Variants in CREB3L2 observed in about 807,000 individuals in gnomAD.
The protein encoded by CREB3L2 is cAMP responsive element binding protein 3 like 2.
CREB3L2 carries 23 observed loss-of-function variants against 57.2 expected under a neutral mutation model. The ratio of observed to expected loss-of-function variants is 0.40; its 90% confidence interval spans 0.29 to 0.57. The LOEUF is 0.57. Ranked by LOEUF, CREB3L2 falls within the 20% of genes least tolerant of loss-of-function variation. The pLI is 0.42. For synonymous variants in CREB3L2, 268 were observed against 265.1 expected, an observed-to-expected ratio of 1.01 and a Z score of -0.11; for missense variants, 628 against 634.7, an observed-to-expected ratio of 0.99 and a Z score of 0.11.
rs2117169007 is a variant in CREB3L2, at chr7:137,879,935, G to GAGACA, written c.*540_*541insTGTCT. 1 of 222,914 alleles carries GAGACA rather than the reference G, an allele frequency of 4.5e-6. No homozygotes were observed. Among genetic ancestry groups the GAGACA allele is most frequent in the East Asian group, 6.1e-5 (1 of 16,384 alleles). 13.8% of individuals were successfully genotyped at this position (222,914 alleles called of 1,614,324 possible). A position where few individuals can be genotyped will look rare whatever the true frequency, so the allele number is the denominator to read the frequency against. ...CCCTCGCCTGCCAGTGCTGCTGCAG[G>GAGACA]AGACGAGACGATCCAGCGAGGGCTC... On this transcript the variant is annotated 3_prime_UTR_variant, in exon 12 of 12. Coordinates refer to ENST00000330387, the MANE Select transcript of CREB3L2 (RefSeq NM_194071.4).
chr7:137,905,446 A>G (rs540288841), intron 6 of CREB3L2, among the ~76,000 whole-genome samples: 6 of 149,700 alleles, frequency 4.0e-5, no homozygotes, highest in Non-Finnish European at 8.9e-5. Flanking sequence ...TCCCACCCGT[A>G]AATGTATCAT....
At chr7:137,971,167 G>C (rs1254643575) in intron 1 of CREB3L2, among the ~76,000 whole-genome samples, 1 of 152,076 alleles carries the variant, frequency 6.6e-6, no homozygotes, top group East Asian at 1.9e-4. Flanking sequence ...AAAAAAAACT[G>C]GGGCCAGGCG....
intron 3 of CREB3L2, among the ~76,000 whole-genome samples, chr7:137,914,168 T>C (rs1800075396): frequency 6.7e-6 from 1 of 149,296 alleles, no homozygotes. Flanking sequence ...AATGTTATAA[T>C]ACAATTAATA....
At chr7:137,969,785 C>T (rs112209724) in intron 1 of CREB3L2, among the ~76,000 whole-genome samples, 4 of 61,820 alleles carry the variant, frequency 6.5e-5, no homozygotes, top group South Asian at 1.2e-3. Flanking sequence ...CACACACACA[C>T]ACACACACAA....
intron 1 of CREB3L2, among the ~76,000 whole-genome samples, chr7:137,975,825 G>A (rs1161932784): frequency 6.6e-6 from 1 of 152,212 alleles, no homozygotes; most frequent in African/African-American, 2.4e-5. Context: ...TTAGGAAAAC[G>A]GTTTTAAACT....
intron 1 of CREB3L2, among the ~76,000 whole-genome samples, chr7:137,934,249 T>G (rs769455611): frequency 4.9e-4 from 74 of 152,196 alleles, no homozygotes; most frequent in Non-Finnish European, 9.3e-4. Context: ...TCAAATTGAC[T>G]GAATTTTTTT....
chr7:137,931,453 C>T (rs1276511394), intron 1 of CREB3L2, among the ~76,000 whole-genome samples: 5 of 143,996 alleles, frequency 3.5e-5, no homozygotes, highest in East Asian at 4.2e-4. Flanking sequence ...ACCCAGGAGG[C>T]GGAGCTTGCA....
chr7:137,936,531 C>A (rs1227960241), intron 1 of CREB3L2, among the ~76,000 whole-genome samples: 4 of 152,092 alleles, frequency 2.6e-5, no homozygotes, highest in Non-Finnish European at 4.4e-5. Flanking sequence ...AGTTTGTCAC[C>A]TTTTTTCACC....
rs34954362 is a variant in CREB3L2 at position 137,997,727 on chromosome 7, A to AAAAAT, written c.102+3872_102+3876dup. Among the ~76,000 whole-genome samples, 64 of 150,186 alleles carry AAAAAT rather than the reference A, an allele frequency of 4.3e-4. No individual in the cohort carries two copies. The East Asian group carries it at 7.3e-3, about 17-fold the overall frequency. On this transcript the variant is annotated intron_variant, in intron 1 of 11. Transcript: ENST00000330387. ...TGGGTGTCAGAACAAGACCCATCTCAAAAATAAAATAAAATAAAATAAAAT... is the reference window on the plus strand; with the variant it reads ...TGGGTGTCAGAACAAGACCCATCTCAAAAATAAAATAAAATAAAATAAAATAAAAT...
chr7:137,962,539 C>T (rs934439420), intron 1 of CREB3L2, among the ~76,000 whole-genome samples: 2 of 152,138 alleles, frequency 1.3e-5, no homozygotes, highest in Admixed American at 6.5e-5. Flanking sequence ...ACCACTTTTG[C>T]CAGCCATCTG....
At chr7:137,988,130 G>A (rs1464379050) in intron 1 of CREB3L2, among the ~76,000 whole-genome samples, 1 of 152,136 alleles carries the variant, frequency 6.6e-6, no homozygotes, top group Non-Finnish European at 1.5e-5. Context: ...TCACATGCCC[G>A]ACCTCAGGCC....
intron 6 of CREB3L2, among the ~76,000 whole-genome samples, chr7:137,905,457 C>T (rs1273966449): frequency 5.4e-5 from 8 of 148,440 alleles, no homozygotes; most frequent in African/African-American, 1.2e-4. Context: ...AATGTATCAT[C>T]GTGGGCACCA....
chr7:137,888,397 G>C (rs1261532215), intron 8 of CREB3L2, among the ~76,000 whole-genome samples: 2 of 152,078 alleles, frequency 1.3e-5, no homozygotes, highest in Non-Finnish European at 2.9e-5. Flanking sequence ...CCTTCCTCAT[G>C]AAACTTTTTC....
Position 138,001,053 on chromosome 7 carries a change from C to T in CREB3L2, c.102+551G>A, listed in dbSNP as rs1373863081. On this transcript the variant is annotated intron_variant, in intron 1 of 11. Coordinates refer to ENST00000330387, the MANE Select transcript of CREB3L2 (RefSeq NM_194071.4). This position sits in a 1 kb window ranked among gnomAD's most constrained non-coding sequence, Gnocchi z 4.2. Reference sequence around the variant, plus strand: ...AGTTTAAGAAAGCAAATAAAGCCGCCTTTCTCCCTAACGTAGAGGAGCCCT... The same window carrying T: ...AGTTTAAGAAAGCAAATAAAGCCGCTTTTCTCCCTAACGTAGAGGAGCCCT... Among the ~76,000 whole-genome samples, 1 of 150,200 alleles carries T rather than the reference C, an allele frequency of 6.7e-6. No homozygotes were observed. Among genetic ancestry groups the T allele is most frequent in the Non-Finnish European group, 1.5e-5 (1 of 67,602 alleles).
At chr7:137,996,623 C>T (rs1801991517) in intron 1 of CREB3L2, among the ~76,000 whole-genome samples, 1 of 152,166 alleles carries the variant, frequency 6.6e-6, no homozygotes, top group South Asian at 2.1e-4. Context: ...GAACAGGAAA[C>T]CACACAGTCT....
chr7:137,986,189 C>G (rs930600188), intron 1 of CREB3L2, among the ~76,000 whole-genome samples: 2 of 152,226 alleles, frequency 1.3e-5, no homozygotes, highest in East Asian at 3.8e-4. Context: ...TTTGTTCATC[C>G]ATTCATTCAC....
At chr7:137,965,205 T>C (rs556274324) in intron 1 of CREB3L2, among the ~76,000 whole-genome samples, 1 of 152,340 alleles carries the variant, frequency 6.6e-6, no homozygotes, top group East Asian at 1.9e-4. Context: ...AGGATAGTGC[T>C]CAAACTGTTG....
intron 1 of CREB3L2, among the ~76,000 whole-genome samples, chr7:137,947,335 G>T (rs553467853): frequency 2.7e-4 from 41 of 152,000 alleles, no homozygotes; most frequent in African/African-American, 9.9e-4. Context: ...CCCACTAACT[G>T]GCTACATCTC....
intron 3 of CREB3L2, among the ~76,000 whole-genome samples, chr7:137,913,375 C>T (rs529340888): frequency 2.0e-5 from 3 of 151,946 alleles, no homozygotes; most frequent in Middle Eastern, 3.4e-3. Context: ...GTTGTGATGG[C>T]GTGCACCTGC....
Sources: gnomAD v4.1 joint callset for allele counts (sites outside exome capture counted in the v4.1 genomes callset) on GRCh38, gnomAD v4.1.1 for gene constraint, Gnocchi (gnomAD v3.1) non-coding constraint, MANE v1.5 for transcripts, NCBI Gene and HGNC (gene_info 2026-07-23, HGNC 2026-07-21) for gene names.